The following CDH8 variants were observed in gnomAD, a reference collection of about 807,000 sequenced individuals.
CDH8 encodes cadherin-8.
Under a neutral mutation model 68.1 loss-of-function variants are expected in CDH8, and 17 were observed. That is an observed-to-expected ratio of 0.25 (90% CI 0.17 to 0.37). The LOEUF is 0.37. CDH8 is among the 10% of genes least tolerant of loss of function. CDH8 has a pLI of 1.00. For missense variants in CDH8, 763 were observed against 999.3 expected (o/e 0.76, Z 3.19); for synonymous variants, 372 against 365.1 (o/e 1.02, Z -0.21).
intron 2 of CDH8, among the ~76,000 whole-genome samples, chr16:61,970,348 A>G (rs1965317993): frequency 6.6e-6 from 1 of 152,240 alleles, no homozygotes; most frequent in South Asian, 2.1e-4. Flanking sequence ...AAAATGAAGC[A>G]GAAAAATTTA....
rs866881567 is a variant in CDH8, at chr16:61,988,210, T to A, written c.252+32942A>T. Among the ~76,000 whole-genome samples the A allele has an allele frequency of 6.2e-5, 9 of 145,440 alleles. No individual in the cohort carries two copies. In the South Asian group the frequency reaches 9.4e-4, roughly 15 times the overall value. ...AACTCAAACATAAGAAGTTATATTT[T>A]AAAAAATAACAAAACACAAAGCCTA... On this transcript the variant is annotated intron_variant, in intron 2 of 11. Coordinates refer to ENST00000577390, the MANE Select transcript of CDH8 (RefSeq NM_001796.5).
chr16:61,837,704 A>G (rs1226335581), intron 4 of CDH8, among the ~76,000 whole-genome samples: 1 of 152,064 alleles, frequency 6.6e-6, no homozygotes. Context: ...TTACTTGCAG[A>G]CAAAATAAGA....
chr16:61,831,876 T>A (rs1962461495), intron 4 of CDH8, among the ~76,000 whole-genome samples: 1 of 151,808 alleles, frequency 6.6e-6, no homozygotes, highest in South Asian at 2.1e-4. Flanking sequence ...TTATCCTGGT[T>A]ATGAAACCAC....
chr16:61,814,643 T>C (rs577028286), intron 7 of CDH8, among the ~76,000 whole-genome samples: 1 of 152,288 alleles, frequency 6.6e-6, no homozygotes, highest in South Asian at 2.1e-4. Flanking sequence ...TTCTTGTCAG[T>C]GTATAAAATA....
At position 61,649,127 on chromosome 16, in the gene CDH8, A is replaced by G. The variant is rs989624439; in HGVS notation, c.*4481T>C. ...GTATTTCCTGCAAAGTATATTCTAC[A>G]ATTATTTTGTCCACAAAAAAATACA... On this transcript the variant is annotated 3_prime_UTR_variant, in exon 12 of 12. Coordinates refer to ENST00000577390, the MANE Select transcript of CDH8 (RefSeq NM_001796.5). The G allele has an allele frequency of 9.9e-5, 15 of 152,044 alleles. No homozygotes were observed. The highest frequency in any genetic ancestry group is 3.6e-4 in the African/African-American group (15 of 41,424). 9.4% of individuals were successfully genotyped at this position (152,044 alleles called of 1,614,324 possible).
chr16:61,801,051 A>G (rs1961613198), intron 7 of CDH8, among the ~76,000 whole-genome samples: 1 of 152,064 alleles, frequency 6.6e-6, no homozygotes, highest in South Asian at 2.1e-4. Flanking sequence ...CTCTCAGAAT[A>G]TAAGCATTAT....
chr16:61,996,588 G>C (rs1965807899), intron 2 of CDH8, among the ~76,000 whole-genome samples: 1 of 152,094 alleles, frequency 6.6e-6, no homozygotes, highest in African/African-American at 2.4e-5. Flanking sequence ...CAGGGACCTA[G>C]ATAAGATGGT....
chr16:61,768,977 T>G (rs1266654083), intron 8 of CDH8, among the ~76,000 whole-genome samples: 2 of 151,762 alleles, frequency 1.3e-5, no homozygotes, highest in Non-Finnish European at 2.9e-5. Context: ...TGCATTAAAA[T>G]TTTGTTATTG....
At chr16:62,015,242 A>G (rs1901907979) in intron 2 of CDH8, among the ~76,000 whole-genome samples, 2 of 152,176 alleles carry the variant, frequency 1.3e-5, no homozygotes, top group African/African-American at 4.8e-5. Context: ...TAAATATGAA[A>G]CATAAATGAA....
At chr16:61,824,220 AAAT>A (rs528032579) in intron 5 of CDH8, among the ~76,000 whole-genome samples, 5 of 151,678 alleles carry the variant, frequency 3.3e-5, no homozygotes, top group South Asian at 4.2e-4. Context: ...GGCATCTTAA[AAAT>A]AATAATAATA....
intron 10 of CDH8, among the ~76,000 whole-genome samples, chr16:61,663,135 G>T (rs1759113575): frequency 6.6e-6 from 1 of 151,876 alleles, no homozygotes; most frequent in East Asian, 1.9e-4. Flanking sequence ...CCTTGGCTGA[G>T]AAATACAAGG....
intron 2 of CDH8, among the ~76,000 whole-genome samples, chr16:61,968,214 T>C (rs890288211): frequency 6.6e-6 from 1 of 152,204 alleles, no homozygotes; most frequent in African/African-American, 2.4e-5. Context: ...TACAAATGAA[T>C]AGAAATTTAT....
At chr16:61,797,351 G>A (rs1023807419) in intron 7 of CDH8, among the ~76,000 whole-genome samples, 3 of 151,906 alleles carry the variant, frequency 2.0e-5, no homozygotes, top group Admixed American at 2.0e-4. Flanking sequence ...AGTACAACAC[G>A]AACAAACTGC....
chr16:61,922,792 A>G (rs982928282), intron 2 of CDH8, among the ~76,000 whole-genome samples: 10 of 152,220 alleles, frequency 6.6e-5, no homozygotes, highest in African/African-American at 2.4e-4. Flanking sequence ...AGGCAATGAT[A>G]TAAATGTCTT....
rs146576422 is a variant in CDH8 at position 61,687,048 on chromosome 16, G to T, written c.1654+26793C>A. Among the ~76,000 whole-genome samples the T allele has an allele frequency of 4.5e-3, 682 of 151,670 alleles. 5 individuals are homozygous for T. Among genetic ancestry groups the T allele is most frequent in the Middle Eastern group, 0.017 (5 of 294 alleles). ...CAAATTATATAATATCCTTTACTAC[G>T]GTACTGTAAACTTTAAAATTATGTT... On this transcript the variant is annotated intron_variant, in intron 10 of 11. Transcript: ENST00000577390.
chr16:61,898,233 G>A (rs911495940), intron 3 of CDH8, among the ~76,000 whole-genome samples: 2 of 152,036 alleles, frequency 1.3e-5, no homozygotes, highest in African/African-American at 4.8e-5. Context: ...CAGGGAGGCG[G>A]AGTTTGCAGT....
rs1963247151 is a variant in CDH8, at chr16:61,648,263, T to G, written c.*5345A>C. 6.5e-6 allele frequency: 1 copy of G among 154,584 alleles called. No individual in the cohort carries two copies. The highest frequency in any genetic ancestry group is 2.4e-5 in the African/African-American group (1 of 41,460). 9.6% of individuals were successfully genotyped at this position (154,584 alleles called of 1,614,324 possible). A position where few individuals can be genotyped will look rare whatever the true frequency, so the allele number is the denominator to read the frequency against. On this transcript the variant is annotated 3_prime_UTR_variant, in exon 12 of 12. Coordinates refer to ENST00000577390, the MANE Select transcript of CDH8 (RefSeq NM_001796.5). ...CACTACAATTTGGCAAACCTAGAGTTTCCTATAAGCACCTAATTTCTGGAT... is the reference window on the plus strand; with the variant it reads ...CACTACAATTTGGCAAACCTAGAGTGTCCTATAAGCACCTAATTTCTGGAT...
intron 10 of CDH8, among the ~76,000 whole-genome samples, chr16:61,678,518 A>T (rs1248613109): frequency 6.6e-6 from 1 of 150,846 alleles, no homozygotes; most frequent in Non-Finnish European, 1.5e-5. Context: ...GCCCTAAAGC[A>T]CATGTTAATA....
intron 7 of CDH8, among the ~76,000 whole-genome samples, chr16:61,794,724 C>T (rs765412768): frequency 9.2e-5 from 14 of 151,992 alleles, no homozygotes; most frequent in African/African-American, 1.9e-4. Flanking sequence ...AAATAGGAAC[C>T]GATCTCTGCA....
Sources: gnomAD v4.1 joint callset for allele counts (sites outside exome capture counted in the v4.1 genomes callset) on GRCh38, gnomAD v4.1.1 for gene constraint, MANE v1.5 for transcripts, NCBI Gene and HGNC (gene_info 2026-07-23, HGNC 2026-07-21) for gene names.